The following POLR3G variants were observed in gnomAD, a reference collection of about 807,000 sequenced individuals.
POLR3G encodes the protein DNA-directed RNA polymerase III subunit RPC7.
In POLR3G, 28 loss-of-function variants were observed where a neutral mutation model predicts 30.1. The ratio of observed to expected loss-of-function variants is 0.93; its 90% confidence interval spans 0.69 to 1.27. The LOEUF (loss-of-function observed/expected upper bound fraction) is 1.27. Ranked by LOEUF, POLR3G falls within the 50% of genes most tolerant of loss-of-function variation. The probability of loss-of-function intolerance (pLI) is 0.00; values close to 1 mark genes in which losing one functional copy is unlikely to be tolerated. For missense variants in POLR3G, 254 were observed against 264.6 expected (o/e 0.96, Z 0.28); for synonymous variants, 79 against 82.5 (o/e 0.96, Z 0.23).
chr5:90,476,966 G>T (rs1391980634), intron 1 of POLR3G, among the ~76,000 whole-genome samples: 1 of 152,180 alleles, frequency 6.6e-6, no homozygotes, highest in Non-Finnish European at 1.5e-5. Context: ...CATGAGAGGA[G>T]AAATTTTGTT....
intron 7 of POLR3G, among the ~76,000 whole-genome samples, 158 bp downstream of exon 7, chr5:90,506,832 C>T (rs1248456379): frequency 6.6e-6 from 1 of 152,172 alleles, no homozygotes; most frequent in Non-Finnish European, 1.5e-5. Flanking sequence ...ATCAAGAGAA[C>T]TTCCTTGCTA....
chr5:90,503,545 TG>T (rs1222710641), intron 6 of POLR3G, among the ~76,000 whole-genome samples: 3 of 152,232 alleles, frequency 2.0e-5, no homozygotes, highest in Non-Finnish European at 4.4e-5. Flanking sequence ...TCTGGACCTC[TG>T]GGTTTCTCCG....
chr5:90,497,830 A>G (rs1468727585), intron 5 of POLR3G, 124 bp downstream of exon 5: 3 of 1,179,616 alleles, frequency 2.5e-6, no homozygotes, highest in African/African-American at 3.2e-5. Context: ...TTTGAGCCAG[A>G]CAAGGGATCT....
intron 3 of POLR3G, among the ~76,000 whole-genome samples, chr5:90,494,220 T>A (rs537998473): frequency 6.6e-6 from 1 of 152,318 alleles, no homozygotes; most frequent in Admixed American, 6.5e-5. Context: ...ATTCATGGCT[T>A]AGTACATATG....
intron 6 of POLR3G, among the ~76,000 whole-genome samples, chr5:90,502,683 A>G (rs982181999): frequency 1.3e-5 from 2 of 151,870 alleles, no homozygotes; most frequent in African/African-American, 4.8e-5. Context: ...AGCAAATACG[A>G]GGTTTCTTTT....
chr5:90,510,001 A>C (rs1315416207), intron 7 of POLR3G, among the ~76,000 whole-genome samples: 1 of 152,210 alleles, frequency 6.6e-6, no homozygotes, highest in East Asian at 1.9e-4. Context: ...AGTGGTTTTC[A>C]ATACTCTTGA....
intron 5 of POLR3G, among the ~76,000 whole-genome samples, chr5:90,499,424 G>A (rs567645595): frequency 9.9e-5 from 15 of 152,174 alleles, no homozygotes; most frequent in Non-Finnish European, 2.1e-4. Context: ...CAGATAGGAC[G>A]AAGACTGGAA....
chr5:90,496,988 C>A (rs763412366), intron 4 of POLR3G, among the ~76,000 whole-genome samples: 1 of 152,060 alleles, frequency 6.6e-6, no homozygotes, highest in Non-Finnish European at 1.5e-5. Flanking sequence ...GATTTAAATG[C>A]TTTGTAAAAA....
intron 5 of POLR3G, among the ~76,000 whole-genome samples, chr5:90,498,165 G>GTATATA (rs2151910493): frequency 6.6e-6 from 1 of 152,192 alleles, no homozygotes; most frequent in South Asian, 2.1e-4. Flanking sequence ...ATGTGTGTGT[G>GTATATA]TGTGTATATA....
Position 90,502,010 on chromosome 5 carries a change from A to G in POLR3G, c.438+22A>G. ...GGAGGTAAGGTTTTCTTCTTACTAT[A>G]CAAGTGAACTGAAAAAATGTAAAAG... On this transcript the variant is annotated intron_variant, in intron 6 of 7. Coordinates refer to ENST00000651687, the MANE Select transcript of POLR3G (RefSeq NM_006467.3). 1.9e-6 allele frequency: 3 copies of G among 1,605,204 alleles called. No homozygotes were observed. The South Asian group carries it at 3.3e-5, about 18-fold the overall frequency.
intron 1 of POLR3G, 144 bp from the exon 2 acceptor site, chr5:90,485,381 G>T: frequency 3.8e-6 from 2 of 528,064 alleles, no homozygotes; most frequent in Non-Finnish European, 6.7e-6. Flanking sequence ...ACAGTCAGTT[G>T]TCACATGTTT....
At chr5:90,484,005 A>G (rs1751282970) in intron 1 of POLR3G, among the ~76,000 whole-genome samples, 1 of 152,180 alleles carries the variant, frequency 6.6e-6, no homozygotes, top group South Asian at 2.1e-4. Flanking sequence ...ACTACTCCTT[A>G]GTAGCTAAGA....
chr5:90,494,585 T>C (rs1039970702), intron 3 of POLR3G, among the ~76,000 whole-genome samples: 9 of 152,132 alleles, frequency 5.9e-5, no homozygotes, highest in African/African-American at 2.2e-4. Context: ...GCCATCCTAG[T>C]GGTTGTAACA....
upstream of POLR3G, chr5:90,474,361 A>C (rs1750659105): frequency 6.4e-6 from 9 of 1,414,414 alleles, 1 homozygote; most frequent in East Asian, 1.9e-4. Flanking sequence ...GTCCACACAC[A>C]GGGCACTGCG....
chr5:90,505,187 C>A (rs921419466), intron 6 of POLR3G, among the ~76,000 whole-genome samples: 1 of 152,180 alleles, frequency 6.6e-6, no homozygotes, highest in Non-Finnish European at 1.5e-5. Context: ...TGCTTTCTCT[C>A]TATATGTAAT....
Position 90,485,973 on chromosome 5 carries a change from A to C in POLR3G, c.117+289A>C, listed in dbSNP as rs189558767. Among the ~76,000 whole-genome samples, 27 of 152,342 alleles carry C rather than the reference A, an allele frequency of 1.8e-4. No individual in the cohort carries two copies. The East Asian group carries it at 5.2e-3, about 29-fold the overall frequency. ...GGTGTTATTGATAAATTCCAATATG[A>C]AAATAATAGTTTTAAAAGTCATTAG... On this transcript the variant is annotated intron_variant, in intron 2 of 7. Coordinates refer to ENST00000651687, the MANE Select transcript of POLR3G (RefSeq NM_006467.3).
chr5:90,476,826 G>A (rs1363042659), intron 1 of POLR3G, among the ~76,000 whole-genome samples: 1 of 152,176 alleles, frequency 6.6e-6, no homozygotes, highest in Non-Finnish European at 1.5e-5. Flanking sequence ...GTATCACCAA[G>A]TAAGAGAGGA....
At chr5:90,509,094 A>G (rs947746138) in intron 7 of POLR3G, among the ~76,000 whole-genome samples, 4 of 152,224 alleles carry the variant, frequency 2.6e-5, no homozygotes, top group Admixed American at 1.3e-4. Context: ...TACAGCAATT[A>G]TATGCATCTT....
intron 1 of POLR3G, among the ~76,000 whole-genome samples, chr5:90,483,163 A>T (rs1043470658): frequency 6.6e-6 from 1 of 151,532 alleles, no homozygotes; most frequent in African/African-American, 2.4e-5. Context: ...AAAAAAAAAA[A>T]ATCTCTGATC....
Sources: gnomAD v4.1 joint callset for allele counts (sites outside exome capture counted in the v4.1 genomes callset) on GRCh38, gnomAD v4.1.1 for gene constraint, MANE v1.5 for transcripts, NCBI Gene and HGNC (gene_info 2026-07-23, HGNC 2026-07-21) for gene names.